The following STK25 variants were observed in gnomAD, a reference collection of about 807,000 sequenced individuals.
STK25 encodes serine/threonine kinase 25, also known as serine/threonine-protein kinase 25.
A neutral mutation model predicts 53.8 loss-of-function variants in STK25; 29 were observed. The observed-to-expected ratio is 0.54, with a 90% CI of 0.40 to 0.74. The LOEUF is 0.74. Among genes scored for constraint, STK25 ranks in the 30% least tolerant of loss-of-function variants. STK25 has a pLI of 0.00. For missense variants in STK25, 420 were observed against 568.0 expected (o/e 0.74, Z 2.65); for synonymous variants, 247 against 238.3 (o/e 1.04, Z -0.33).
Position 241,503,479 on chromosome 2 carries a change from G to T in STK25, c.31-1771C>A, listed in dbSNP as rs551285175. 9.9e-5 allele frequency among the ~76,000 whole-genome samples: 15 copies of T among 151,430 alleles called. No homozygotes were observed. The South Asian group carries it at 3.1e-3, about 32-fold the overall frequency. ...TGTAATCCCAACACTTTGGGAGGCC[G>T]AGGCGGGCAGATCACGAGGTCAGGA... On this transcript the variant is annotated intron_variant, in intron 2 of 11. Transcript: ENST00000316586.
At chr2:241,500,027 G>C (rs1195395611) in intron 5 of STK25, 146 bp downstream of exon 5, 1 of 722,854 alleles carries the variant, frequency 1.4e-6, no homozygotes, top group Non-Finnish European at 2.5e-6. Context: ...GAGCGAGACA[G>C]GACTGCTCAG....
In STK25 at chr2:241,498,362, A is replaced by G; in HGVS notation, c.918-13T>C. ...CGCCTCGCCATCACTGAAGAGGATG[A>G]GGAGTTGCCAGGGCCAGTGGGGAGA... On this transcript the variant is annotated splice_polypyrimidine_tract_variant and intron_variant, in intron 8 of 11. Transcript: ENST00000316586. 6.4e-7 allele frequency: 1 copy of G among 1,564,330 alleles called. No homozygotes were observed. The highest frequency in any genetic ancestry group is 1.2e-5 in the South Asian group (1 of 84,536).
At chr2:241,505,921 A>G (rs1995496) in intron 2 of STK25, among the ~76,000 whole-genome samples, 79,127 of 152,072 alleles carry the variant, frequency 0.52, 21,059 homozygotes, top group Admixed American at 0.65. Context: ...AGCTGACTCG[A>G]GCGGTGGACA....
Position 241,493,545 on chromosome 2 carries a change from A to G in STK25, c.*2117T>C, listed in dbSNP as rs2065009573. 1 of 1,102,888 alleles carries G rather than the reference A, an allele frequency of 9.1e-7. No individual in the cohort carries two copies. The allele number at this position is 1,102,888 out of a possible 1,614,324, so 68.3% of individuals were successfully genotyped here. A position where few individuals can be genotyped will look rare whatever the true frequency, so the allele number is the denominator to read the frequency against. ...TGGAGGCAAGTTTTCTGGGCCCTGGAAAGGAAGGGCTGAGCAATGCTTCCA... is the reference window on the plus strand; with the variant it reads ...TGGAGGCAAGTTTTCTGGGCCCTGGGAAGGAAGGGCTGAGCAATGCTTCCA... On this transcript the variant is annotated 3_prime_UTR_variant, in exon 12 of 12. Transcript: ENST00000316586.
At chr2:241,502,298 G>A (rs34735932) in intron 2 of STK25, among the ~76,000 whole-genome samples, 3,357 of 152,294 alleles carry the variant, frequency 0.022, 157 homozygotes, top group East Asian at 0.16. Context: ...GGAGCTTTAG[G>A]TGATGACACG....
rs1364005530 is a variant in STK25 at position 241,497,543 on chromosome 2, G to A, written c.1104+73C>T. 3 of 1,475,624 alleles carry A rather than the reference G, an allele frequency of 2.0e-6. No individual in the cohort carries two copies. The Admixed American group carries it at 5.1e-5, about 25-fold the overall frequency. 91.4% of individuals were successfully genotyped at this position (1,475,624 alleles called of 1,614,324 possible). A position where few individuals can be genotyped will look rare whatever the true frequency, so the allele number is the denominator to read the frequency against. On this transcript the variant is annotated intron_variant, in intron 10 of 11. Coordinates refer to ENST00000316586, the MANE Select transcript of STK25 (RefSeq NM_001271977.2). ...AACCACCCCACAGTGCTGTGAGGGA[G>A]ACATCTCCGTGCAACAGTGTCACAG...
rs773379873 is a variant in STK25 at position 241,494,146 on chromosome 2, G to A, written c.*1516C>T. ...AATGACGCTCAACCTGCCCAGGTTTGGACACAACTACAAAGAACAGCAGGA... is the reference window on the plus strand; with the variant it reads ...AATGACGCTCAACCTGCCCAGGTTTAGACACAACTACAAAGAACAGCAGGA... On this transcript the variant is annotated 3_prime_UTR_variant, in exon 12 of 12. Transcript: ENST00000316586. The surrounding 1 kb of genome is among the most constrained non-coding windows in gnomAD (Gnocchi z 4.9). 7.2e-7 allele frequency: 1 copy of A among 1,396,126 alleles called. No individual in the cohort carries two copies. The highest frequency in any genetic ancestry group is 9.5e-7 in the Non-Finnish European group (1 of 1,047,768). 86.5% of individuals were successfully genotyped at this position (1,396,126 alleles called of 1,614,324 possible). A position where few individuals can be genotyped will look rare whatever the true frequency, so the allele number is the denominator to read the frequency against.
At chr2:241,506,011 C>T (rs1181549458) in intron 2 of STK25, among the ~76,000 whole-genome samples, 3 of 152,236 alleles carry the variant, frequency 2.0e-5, no homozygotes, top group Non-Finnish European at 4.4e-5. Context: ...TGTTGCCCCA[C>T]AAAACAAGGG....
In STK25 at chr2:241,495,565, G is replaced by A. The variant is rs545264081; in HGVS notation, c.*97C>T. ...GGATCCGACGTGTCCCTGCAGGCAC[G>A]ACATAGCACAGGGCACCTTCCAAGT... On this transcript the variant is annotated 3_prime_UTR_variant, in exon 12 of 12. Coordinates refer to ENST00000316586, the MANE Select transcript of STK25 (RefSeq NM_001271977.2). 9.5e-5 allele frequency: 134 copies of A among 1,403,676 alleles called. No homozygotes were observed. Among genetic ancestry groups the A allele is most frequent in the South Asian group, 1.7e-4 (15 of 86,186 alleles). 87.0% of individuals were successfully genotyped at this position (1,403,676 alleles called of 1,614,324 possible).
Position 241,501,537 on chromosome 2 carries a change from T to C in STK25, c.202A>G (p.Thr68Ala). Residue 68 changes from threonine (T) to alanine (A), a missense_variant, in exon 3 of 12, where the codon ACT becomes GCT. Physicochemically the swap from Thr to Ala is moderately conservative, Grantham distance 58. Coordinates refer to ENST00000316586, the MANE Select transcript of STK25 (RefSeq NM_001271977.2). This position sits in a 1 kb window ranked among gnomAD's most constrained non-coding sequence, Gnocchi z 5.3. ...DEIEDIQQEI[T>A]VLSQCDSPYI... The stretch of plus-strand genomic sequence containing the variant: ...GGGCTGTCGCACTGACTGAGGACAG[T>C]GATCTCCTGCTGGATGTCCTCGATC... 6.2e-7 allele frequency: 1 copy of C among 1,614,112 alleles called. No homozygotes were observed. The highest frequency in any genetic ancestry group is 1.1e-5 in the South Asian group (1 of 91,086).
chr2:241,498,300 G>A lies in STK25; in HGVS notation c.967C>T (p.Pro323Ser). The A allele has an allele frequency of 1.9e-6, 3 of 1,607,676 alleles. No homozygotes were observed. Among genetic ancestry groups the A allele is most frequent in the African/African-American group, 2.7e-5 (2 of 74,838 alleles). ...GEQGPIWTFPPTIRPSPHSKL... is the reference protein window; with the variant it reads ...GEQGPIWTFPSTIRPSPHSKL... ...CTGTGTGGACTCGGCCGGATGGTAGGGGGGAACGTCCAGATGGGGCCCTGC... is the reference window on the plus strand; with the variant it reads ...CTGTGTGGACTCGGCCGGATGGTAGAGGGGAACGTCCAGATGGGGCCCTGC... Residue 323 changes from proline to serine, a missense_variant, in exon 9 of 12, where the codon CCT becomes TCT. Physicochemically the swap from Pro to Ser is moderately conservative, Grantham distance 74 (BLOSUM62 -1). Coordinates refer to ENST00000316586, the MANE Select transcript of STK25 (RefSeq NM_001271977.2).
intron 9 of STK25, 138 bp downstream of exon 9, chr2:241,498,097 G>T: frequency 1.3e-6 from 1 of 793,924 alleles, no homozygotes; most frequent in South Asian, 1.6e-5. Flanking sequence ...GTGCCACAGT[G>T]GGCTTCAGAC....
chr2:241,493,335 G>C lies in STK25; in HGVS notation c.*2327C>G, dbSNP rs145708249. The C allele has an allele frequency of 6.2e-7, 1 of 1,613,884 alleles. No homozygotes were observed. The highest frequency in any genetic ancestry group is 1.3e-5 in the African/African-American group (1 of 74,930). ...CAGCCTCCCGCTGCTGGGCTACAGCGTGAGCATCCCCAGGGAGGCCGATGG... is the reference window on the plus strand; with the variant it reads ...CAGCCTCCCGCTGCTGGGCTACAGCCTGAGCATCCCCAGGGAGGCCGATGG... On this transcript the variant is annotated 3_prime_UTR_variant, in exon 12 of 12. Coordinates refer to ENST00000316586, the MANE Select transcript of STK25 (RefSeq NM_001271977.2).
chr2:241,499,886 C>T, intron 5 of STK25: 2 of 526,474 alleles, frequency 3.8e-6, no homozygotes, highest in Non-Finnish European at 3.5e-6. Context: ...CTCAATTCTA[C>T]ACCTGCTGCT....
In STK25 at chr2:241,508,493, G is replaced by GT. The variant is rs2065996283; in HGVS notation, c.-152_-151insA. The stretch of plus-strand genomic sequence containing the variant: ...CCCCGGCCCGCTCTGCAGCGCCCGC[G>GT]AAGGCTCCCACCCGCAGCCTCTGTT... On this transcript the variant is annotated 5_prime_UTR_variant, in exon 1 of 12. Coordinates refer to ENST00000316586, the MANE Select transcript of STK25 (RefSeq NM_001271977.2). 1.1e-5 allele frequency: 11 copies of GT among 1,029,504 alleles called. No individual in the cohort carries two copies. The highest frequency in any genetic ancestry group is 1.3e-5 in the Non-Finnish European group (11 of 856,500). 63.8% of individuals were successfully genotyped at this position (1,029,504 alleles called of 1,614,324 possible).
rs2065022522 is a variant in STK25 at position 241,493,763 on chromosome 2, A to C, written c.*1899T>G. 4.3e-6 allele frequency: 2 copies of C among 469,304 alleles called. No individual in the cohort carries two copies. The highest frequency in any genetic ancestry group is 2.0e-5 in the African/African-American group (1 of 50,776). The allele number at this position is 469,304 out of a possible 1,614,324, so 29.1% of individuals were successfully genotyped here. On this transcript the variant is annotated 3_prime_UTR_variant, in exon 12 of 12. Coordinates refer to ENST00000316586, the MANE Select transcript of STK25 (RefSeq NM_001271977.2). ...GCATGCACGCCACGCCGCCTGGCTA[A>C]TTTTTGTATTTTTAGTAGAGACAGG...
chr2:241,498,388 G>C, intron 8 of STK25, 39 bp from the exon 9 acceptor site: 2 of 1,520,420 alleles, frequency 1.3e-6, no homozygotes. Flanking sequence ...AGTGGGGAGA[G>C]GGCCAGGAGG....
chr2:241,504,899 T>A (rs550000912), intron 2 of STK25, among the ~76,000 whole-genome samples: 2 of 151,690 alleles, frequency 1.3e-5, no homozygotes, highest in African/African-American at 4.8e-5. Flanking sequence ...AGGACAAGGT[T>A]AAGAAGCAGC....
upstream of STK25, among the ~76,000 whole-genome samples, chr2:241,508,964 C>T (rs1291504741): frequency 2.0e-5 from 3 of 152,146 alleles, no homozygotes; most frequent in African/African-American, 4.8e-5. Flanking sequence ...CCTGCGCAGC[C>T]CTGGTTCGAG....
Sources: allele counts gnomAD v4.1 joint callset (sites outside exome capture counted in the v4.1 genomes callset), GRCh38; gene constraint gnomAD v4.1.1; non-coding constraint Gnocchi (gnomAD v3.1); transcripts MANE v1.5; gene names NCBI Gene and HGNC (gene_info 2026-07-23, HGNC 2026-07-21).